The following TRRAP variants were observed in gnomAD, a reference collection of about 807,000 sequenced individuals.
The protein encoded by TRRAP is transformation/transcription domain-associated protein.
TRRAP carries 41 observed loss-of-function variants against 438.8 expected under a neutral mutation model. That is an observed-to-expected ratio of 0.09 (90% CI 0.07 to 0.12). TRRAP has a LOEUF of 0.12. Among genes scored for constraint, TRRAP ranks in the 10% least tolerant of loss-of-function variants. TRRAP has a pLI of 1.00. For synonymous variants in TRRAP, 1,994 were observed against 1,962.9 expected (o/e 1.02, Z -0.42); for missense variants, 3,122 against 5,055.1 (o/e 0.62, Z 11.60).
chr7:98,977,096 C>T lies in TRRAP; in HGVS notation c.8385+20C>T, dbSNP rs371929728. 5.2e-5 allele frequency: 84 copies of T among 1,613,966 alleles called. No individual in the cohort carries two copies. Among genetic ancestry groups the T allele is most frequent in the Middle Eastern group, 4.9e-4 (3 of 6,084 alleles). On this transcript the variant is annotated intron_variant, in intron 56 of 72. Transcript: ENST00000456197. ...GAGCAGGTAAACCTCAGACCACTGACGGTCTTGGGTGTGTAATGAGAGGTC... is the reference window on the plus strand; with the variant it reads ...GAGCAGGTAAACCTCAGACCACTGATGGTCTTGGGTGTGTAATGAGAGGTC...
intron 11 of TRRAP, 132 bp downstream of exon 11, chr7:98,900,852 A>G: frequency 1.4e-6 from 1 of 696,056 alleles, no homozygotes; most frequent in South Asian, 2.1e-5. Context: ...AATACGGTAC[A>G]TTTCCATCAA....
rs1275237065 is a variant in TRRAP, at chr7:98,967,661, C to T, written c.7475C>T (p.Ala2492Val). The T allele has an allele frequency of 1.2e-6, 2 of 1,613,962 alleles. No homozygotes were observed. Among genetic ancestry groups the T allele is most frequent in the South Asian group, 2.2e-5 (2 of 91,086 alleles). ...GTGACCTGTTCGCAGAACTGGGAAG[C>T]CATGGGGAACCACTTCTGGATCAAG... is the stretch of plus-strand genomic sequence containing the variant. The part of the protein sequence containing the change: ...LYVTCSQNWE[A>V]MGNHFWIKQC... The change falls in exon 51 of 73, where the codon GCC becomes GTC. Residue 2492 changes from alanine (A) to valine (V), a missense_variant. Physicochemically the swap from Ala to Val is moderately conservative, Grantham distance 64. Around this residue, in one of 24 missense-constraint regions of TRRAP, gnomAD observed 992 missense variants for 1,281.2 expected, o/e 0.77. Transcript: ENST00000456197.
In TRRAP at chr7:98,915,793, T is replaced by C. The variant is rs1554409497; in HGVS notation, c.2270T>C (p.Phe757Ser). The change falls in exon 19 of 73, where the codon TTC (phenylalanine) becomes TCC (serine). Residue 757 changes from phenylalanine to serine, a missense_variant. Physicochemically the swap from Phe to Ser is radical, Grantham distance 155 (BLOSUM62 -2). Transcript: ENST00000456197. ...AQTAKEPYNY[F>S]LLLRALFRSI... is the part of the protein sequence containing the mutation. ...ACTGCCAAGGAACCCTACAACTACT[T>C]CTTGCTGCTACGGGCGCTGTTTCGC... 6.2e-7 allele frequency: 1 copy of C among 1,614,184 alleles called. No individual in the cohort carries two copies. Among genetic ancestry groups the C allele is most frequent in the Admixed American group, 1.7e-5 (1 of 60,024 alleles).
intron 33 of TRRAP, among the ~76,000 whole-genome samples, chr7:98,946,263 C>T (rs974688831): frequency 8.8e-6 from 1 of 114,228 alleles, no homozygotes; most frequent in Admixed American, 1.0e-4. Context: ...TAGCTAGCAA[C>T]CTCCTGAGAG....
In TRRAP at chr7:98,895,890, C is replaced by T. The variant is rs952922033; in HGVS notation, c.507+70C>T. The T allele has an allele frequency of 5.4e-6, 7 of 1,284,816 alleles. No homozygotes were observed. In the Admixed American group the frequency reaches 1.7e-4, roughly 31 times the overall value. 79.6% of individuals were successfully genotyped at this position (1,284,816 alleles called of 1,614,324 possible). On this transcript the variant is annotated intron_variant, in intron 7 of 72. Transcript: ENST00000456197. Reference sequence around the variant, plus strand: ...TCCTTATTCCAAAAAGACTTTAGAACAGTTGGGTTGCAGAAATAGTGTGTG... The same window carrying T: ...TCCTTATTCCAAAAAGACTTTAGAATAGTTGGGTTGCAGAAATAGTGTGTG...
chr7:98,906,070 A>T (rs930807609), intron 12 of TRRAP, 107 bp from the exon 13 acceptor site: 38 of 833,246 alleles, frequency 4.6e-5, no homozygotes, highest in Non-Finnish European at 6.4e-5. Context: ...TCAGGTCTGG[A>T]TTGCATATCA....
intron 61 of TRRAP, 68 bp downstream of exon 61, chr7:98,984,426 T>TG: frequency 6.8e-7 from 1 of 1,473,762 alleles, no homozygotes; most frequent in Non-Finnish European, 9.0e-7. Context: ...TGAGGCAATG[T>TG]GGGGTCTCCT....
chr7:98,971,958 C>T lies in TRRAP; in HGVS notation c.7839+13C>T. 6.2e-7 allele frequency: 1 copy of T among 1,612,466 alleles called. No homozygotes were observed. Among genetic ancestry groups the T allele is most frequent in the Non-Finnish European group, 8.5e-7 (1 of 1,179,308 alleles). On this transcript the variant is annotated intron_variant, in intron 53 of 72. Coordinates refer to ENST00000456197, the MANE Select transcript of TRRAP (RefSeq NM_001375524.1). ...CCGAGAGGTGAAGGTCTGTACGCAG[C>T]TTGGAAAGGATTCGTTGCTTTCCTC... is the stretch of plus-strand genomic sequence containing the variant.
At position 98,915,784 on chromosome 7, in the gene TRRAP, A is replaced by G; in HGVS notation, c.2261A>G (p.Tyr754Cys). Reference sequence around the variant, plus strand: ...CTCGCGCAGACTGCCAAGGAACCCTACAACTACTTCTTGCTGCTACGGGCG... The same window carrying G: ...CTCGCGCAGACTGCCAAGGAACCCTGCAACTACTTCTTGCTGCTACGGGCG... ...MELAQTAKEP[Y>C]NYFLLLRALF... The change falls in exon 19 of 73, where the codon TAC becomes TGC. Residue 754 changes from tyrosine to cysteine, a missense_variant. Tyr to Cys is a radical substitution (Grantham distance 194). Around this residue, in one of 24 missense-constraint regions of TRRAP, gnomAD observed 149 missense variants for 302.8 expected, o/e 0.49. Coordinates refer to ENST00000456197, the MANE Select transcript of TRRAP (RefSeq NM_001375524.1). The G allele has an allele frequency of 6.2e-7, 1 of 1,614,196 alleles. No homozygotes were observed. The highest frequency in any genetic ancestry group is 8.5e-7 in the Non-Finnish European group (1 of 1,180,038).
At chr7:98,983,981 C>T in intron 60 of TRRAP, 112 bp from the exon 61 acceptor site, 1 of 1,344,714 alleles carries the variant, frequency 7.4e-7, no homozygotes, top group Non-Finnish European at 9.9e-7. Flanking sequence ...CACAGAGCTG[C>T]CCATTTTCAT....
intron 20 of TRRAP, among the ~76,000 whole-genome samples, chr7:98,921,504 T>A (rs1789793726): frequency 2.0e-5 from 3 of 152,150 alleles, no homozygotes; most frequent in Admixed American, 2.0e-4. Flanking sequence ...GCATCCCAAA[T>A]AGCTGGGATT....
rs782461007 is a variant in TRRAP, at chr7:98,910,481, GTTAAC to G, written c.1715-24_1715-20del. On this transcript the variant is annotated intron_variant, in intron 15 of 72. Transcript: ENST00000456197. ...TTTTCATAAAGTGAGTTTTATTCAA[GTTAAC>G]TTAATATACTTTCTCTTTTCCAGAA... 1.4e-5 allele frequency: 22 copies of G among 1,613,586 alleles called. No individual in the cohort carries two copies. In the East Asian group the frequency reaches 2.0e-4, roughly 15 times the overall value.
chr7:98,915,931 T>G, intron 19 of TRRAP, 43 bp downstream of exon 19: 1 of 1,608,782 alleles, frequency 6.2e-7, no homozygotes, highest in Non-Finnish European at 8.5e-7. Context: ...TTGTGTGTCA[T>G]GTAGTCATGT....
chr7:98,899,536 C>T (rs782448923), intron 9 of TRRAP, 37 bp downstream of exon 9: 4 of 1,610,314 alleles, frequency 2.5e-6, no homozygotes, highest in Non-Finnish European at 3.4e-6. Context: ...GGGTTTTGGG[C>T]TTCTTATAAG....
At chr7:98,903,307 G>C in intron 11 of TRRAP, 72 bp from the exon 12 acceptor site, 1 of 1,572,624 alleles carries the variant, frequency 6.4e-7, no homozygotes, top group Non-Finnish European at 8.6e-7. Flanking sequence ...TTTTTAAGAA[G>C]CTGATAACAT....
Position 98,970,177 on chromosome 7 carries a change from G to T in TRRAP, c.7578G>T (p.Pro2526=). 2 of 1,613,928 alleles carry T rather than the reference G, an allele frequency of 1.2e-6. No individual in the cohort carries two copies. The highest frequency in any genetic ancestry group is 1.7e-6 in the Non-Finnish European group (2 of 1,180,022). ...CCAGCTGCCAAGGAGCCATGCTCCC[G>T]TCCATCACCAACGTCATCAACCTGG... ...IGTSCQGAML[P]SITNVINLAD... Residue 2526 remains proline, a synonymous_variant, in exon 52 of 73, where the codon CCG becomes CCT. Transcript: ENST00000456197.
intron 5 of TRRAP, 48 bp downstream of exon 5, chr7:98,892,576 T>C (rs782665381): frequency 3.7e-5 from 53 of 1,430,530 alleles, no homozygotes; most frequent in Non-Finnish European, 4.5e-5. Flanking sequence ...TGTAAAACTT[T>C]CACTGATTTT....
intron 28 of TRRAP, 95 bp from the exon 29 acceptor site, chr7:98,937,061 C>T: frequency 2.8e-6 from 4 of 1,408,102 alleles, no homozygotes; most frequent in African/African-American, 2.9e-5. Flanking sequence ...GACACCTTCT[C>T]TACCAAATAA....
chr7:98,950,377 C>G (rs781789548), intron 38 of TRRAP, 115 bp downstream of exon 38: 12 of 1,233,942 alleles, frequency 9.7e-6, no homozygotes, highest in African/African-American at 1.5e-5. Flanking sequence ...GTAGAGTGAG[C>G]CAGGTGCTGT....
Sources: gnomAD v4.1 joint callset for allele counts (sites outside exome capture counted in the v4.1 genomes callset) on GRCh38, gnomAD v4.1.1 for gene constraint, gnomAD v4.1.1 regional missense constraint, MANE v1.5 for transcripts, NCBI Gene and HGNC (gene_info 2026-07-23, HGNC 2026-07-21) for gene names.